CD81: variants seen among roughly 807,000 people sequenced by gnomAD.
CD81 encodes CD81 antigen.
A neutral mutation model predicts 30.1 loss-of-function variants in CD81; 10 were observed. That is an observed-to-expected ratio of 0.33 (90% confidence interval 0.21 to 0.56). The LOEUF (loss-of-function observed/expected upper bound fraction) is 0.56, where lower values mean the gene tolerates loss of function less well. Ranked by LOEUF, CD81 falls within the 20% of genes least tolerant of loss-of-function variation. The pLI, the probability that CD81 is intolerant of heterozygous loss-of-function variation, is 0.89. For missense variants in CD81, 263 were observed against 308.7 expected (o/e 0.85, Z 1.11); for synonymous variants, 147 against 126.4 (o/e 1.16, Z -1.10).
At chr11:2,385,539 G>A (rs11022553) in intron 1 of CD81, 4,677 of 245,852 alleles carry the variant, frequency 0.019, 80 homozygotes, top group African/African-American at 0.11. Flanking sequence ...CGTGCCCGTC[G>A]TCTGTGTGGC....
intron 1 of CD81, among the ~76,000 whole-genome samples, chr11:2,381,807 C>T (rs1849710642): frequency 6.6e-6 from 1 of 152,206 alleles, no homozygotes; most frequent in Non-Finnish European, 1.5e-5. Context: ...CCCAGCACCC[C>T]TCTGGGCAAG....
At chr11:2,386,214 G>T (rs1849796023) in intron 1 of CD81, 1 of 703,340 alleles carries the variant, frequency 1.4e-6, no homozygotes, top group African/African-American at 1.8e-5. Context: ...GGAAGGGTCT[G>T]TTCCTGTTTT....
chr11:2,381,026 T>C (rs1042912898), intron 1 of CD81, among the ~76,000 whole-genome samples: 27 of 152,276 alleles, frequency 1.8e-4, no homozygotes, highest in African/African-American at 5.8e-4. Context: ...TCGCCGTCCT[T>C]CCGGGAGAGG....
rs374057096 is a variant in CD81 at position 2,378,312 on chromosome 11, A to G, written c.66+697A>G. 2.3e-4 allele frequency among the ~76,000 whole-genome samples: 35 copies of G among 152,194 alleles called. No individual in the cohort carries two copies. The highest frequency in any genetic ancestry group is 8.2e-4 in the African/African-American group (34 of 41,548). On this transcript the variant is annotated intron_variant, in intron 1 of 7. Coordinates refer to ENST00000263645, the MANE Select transcript of CD81 (RefSeq NM_004356.4). The surrounding 1 kb of genome is among the most constrained non-coding windows in gnomAD (Gnocchi z 4.9). Reference sequence around the variant, plus strand: ...CCCTCTCCTCACCCAGACACGTTCCAGCGGAGGCCTCCTCCCAGAAGGGCT... The same window carrying G: ...CCCTCTCCTCACCCAGACACGTTCCGGCGGAGGCCTCCTCCCAGAAGGGCT...
chr11:2,377,001 G>C (rs1849603093), upstream of CD81: 1 of 152,388 alleles, frequency 6.6e-6, no homozygotes, highest in South Asian at 2.1e-4. The surrounding 1 kb of genome is among the most constrained non-coding windows in gnomAD (Gnocchi z 7.7). Flanking sequence ...TCCCGGCACC[G>C]GGGCTGCACT....
rs1167132620 is a variant in CD81, at chr11:2,378,518, T to A, written c.66+903T>A. Reference sequence around the variant, plus strand: ...GTGGAGGAGGGTCTTTTGCTGAGAATGGCTTTCTCCTGACCGCAGTCTTTG... The same window carrying A: ...GTGGAGGAGGGTCTTTTGCTGAGAAAGGCTTTCTCCTGACCGCAGTCTTTG... On this transcript the variant is annotated intron_variant, in intron 1 of 7. Coordinates refer to ENST00000263645, the MANE Select transcript of CD81 (RefSeq NM_004356.4). The surrounding 1 kb of genome is among the most constrained non-coding windows in gnomAD (Gnocchi z 4.9). Among the ~76,000 whole-genome samples, 1 of 152,166 alleles carries A rather than the reference T, an allele frequency of 6.6e-6. No individual in the cohort carries two copies. The highest frequency in any genetic ancestry group is 1.5e-5 in the Non-Finnish European group (1 of 68,024).
At position 2,397,009 on chromosome 11, in the gene CD81, TTTTG is replaced by T; in HGVS notation, c.*146_*149del. ...AGCCTTTTTACTTTTGGGGTTTTGT[TTTTG>T]TTCTGAACTTTCCTGTTACCTTTTC... On this transcript the variant is annotated 3_prime_UTR_variant, in exon 8 of 8. Transcript: ENST00000263645. 1 of 833,368 alleles carries T rather than the reference TTTTG, an allele frequency of 1.2e-6. No homozygotes were observed. Among genetic ancestry groups the T allele is most frequent in the Non-Finnish European group, 2.0e-6 (1 of 512,732 alleles). 51.6% of individuals were successfully genotyped at this position (833,368 alleles called of 1,614,324 possible). A position where few individuals can be genotyped will look rare whatever the true frequency, so the allele number is the denominator to read the frequency against.
chr11:2,384,494 G>T (rs1486197359), intron 1 of CD81, among the ~76,000 whole-genome samples: 2 of 95,390 alleles, frequency 2.1e-5, no homozygotes, highest in African/African-American at 3.8e-5. Flanking sequence ...GGGGTAGGGC[G>T]GCTTGTGGGG....
At chr11:2,383,226 A>C (rs1589846588) in intron 1 of CD81, among the ~76,000 whole-genome samples, 1 of 152,240 alleles carries the variant, frequency 6.6e-6, no homozygotes. Context: ...TCTTCCCTCC[A>C]TGCTGCCTTT....
intron 1 of CD81, chr11:2,386,631 A>G: frequency 1.4e-6 from 1 of 717,160 alleles, no homozygotes; most frequent in South Asian, 1.5e-5. Context: ...TGGGAAGACC[A>G]AGGCTCAGGT....
At chr11:2,386,254 G>T (rs1176361570) in intron 1 of CD81, 1 of 686,338 alleles carries the variant, frequency 1.5e-6, no homozygotes, top group Non-Finnish European at 2.7e-6. Context: ...TGGGTTGCCA[G>T]TTTTCTTGCT....
chr11:2,396,737 C>A (rs1243176704), intron 7 of CD81, 23 bp downstream of exon 7: 3 of 1,611,380 alleles, frequency 1.9e-6, no homozygotes. Context: ...GGGCGGAGGG[C>A]CTGCTCTCTG....
chr11:2,386,780 C>A (rs1036579943), intron 1 of CD81: 4 of 642,808 alleles, frequency 6.2e-6, no homozygotes, highest in Non-Finnish European at 8.6e-6. Flanking sequence ...TCCCTCCCAC[C>A]CCCTCCTGGC....
chr11:2,385,814 G>T, intron 1 of CD81: 1 of 638,364 alleles, frequency 1.6e-6, no homozygotes. Flanking sequence ...CCGGTCAGTG[G>T]GCATATGGGT....
intron 2 of CD81, chr11:2,393,815 G>A (rs1849946458): frequency 1.6e-6 from 1 of 632,272 alleles, no homozygotes; most frequent in Non-Finnish European, 2.9e-6. Context: ...TGTCATCCCT[G>A]CGAAGCACCT....
intron 1 of CD81, among the ~76,000 whole-genome samples, chr11:2,382,130 C>T (rs1464963920): frequency 5.3e-5 from 8 of 152,352 alleles, no homozygotes; most frequent in South Asian, 2.1e-4. Context: ...AGCTGGCAGC[C>T]GGATCTCACT....
intron 3 of CD81, among the ~76,000 whole-genome samples, chr11:2,394,561 G>A (rs979492015): frequency 6.6e-6 from 1 of 152,172 alleles, no homozygotes; most frequent in Non-Finnish European, 1.5e-5. Flanking sequence ...CGTGTCTCCA[G>A]TGGGGGAAAC....
chr11:2,383,492 A>T (rs1403557874), intron 1 of CD81, among the ~76,000 whole-genome samples: 1 of 152,078 alleles, frequency 6.6e-6, no homozygotes, highest in Non-Finnish European at 1.5e-5. Context: ...TCCTTCACCC[A>T]GTATCTCCAG....
At chr11:2,384,246 C>T (rs920259516) in intron 1 of CD81, among the ~76,000 whole-genome samples, 10 of 152,156 alleles carry the variant, frequency 6.6e-5, no homozygotes, top group Admixed American at 4.6e-4. Context: ...CTGAGAGCCA[C>T]CCTCCATCCC....
Sources: allele counts gnomAD v4.1 joint callset (sites outside exome capture counted in the v4.1 genomes callset), GRCh38; gene constraint gnomAD v4.1.1; non-coding constraint Gnocchi (gnomAD v3.1); transcripts MANE v1.5; gene names NCBI Gene and HGNC (gene_info 2026-07-23, HGNC 2026-07-21).